Variants in MBNL3 observed in about 807,000 individuals in gnomAD.
The protein encoded by MBNL3 is muscleblind-like protein 3.
In MBNL3, 6 loss-of-function variants were observed where a neutral mutation model predicts 24.5. The ratio of observed to expected loss-of-function variants is 0.25; its 90% CI spans 0.13 to 0.48. The LOEUF (loss-of-function observed/expected upper bound fraction) is 0.48. Ranked by LOEUF, MBNL3 falls within the 20% of genes least tolerant of loss-of-function variation. The pLI, the probability that MBNL3 is intolerant of heterozygous loss-of-function variation, is 0.99. For missense variants in MBNL3, 230 were observed against 293.5 expected, an observed-to-expected ratio of 0.78 and a Z score of 1.58; for synonymous variants, 100 against 101.7, an observed-to-expected ratio of 0.98 and a Z score of 0.10.
intron 1 of MBNL3, among the ~76,000 whole-genome samples, chrX:132,448,223 G>T (rs1456607673): frequency 9.0e-6 from 1 of 111,725 alleles, no homozygotes; most frequent in Non-Finnish European, 1.9e-5. Flanking sequence ...AATGGGACCA[G>T]CTCCTCTTTG....
At chrX:132,484,233 G>A (rs766330397) in intron 1 of MBNL3, among the ~76,000 whole-genome samples, 1 of 111,739 alleles carries the variant, frequency 8.9e-6, no homozygotes, top group South Asian at 3.8e-4. Context: ...TCAATCTAGC[G>A]TTCAGTCTGC....
At chrX:132,436,472 T>C (rs2148432412) in intron 2 of MBNL3, among the ~76,000 whole-genome samples, 1 of 112,053 alleles carries the variant, frequency 8.9e-6, no homozygotes, top group African/African-American at 3.2e-5. Flanking sequence ...CTAGTACTAA[T>C]AGAATTCTTA....
At chrX:132,444,789 GA>G (rs767373954) in intron 1 of MBNL3, among the ~76,000 whole-genome samples, 5 of 110,411 alleles carry the variant, frequency 4.5e-5, no homozygotes, top group Admixed American at 2.9e-4. Flanking sequence ...TGCAACCTTT[GA>G]AAAAAAAGAA....
At chrX:132,433,430 T>G (rs1216056736) in intron 2 of MBNL3, among the ~76,000 whole-genome samples, 1 of 111,712 alleles carries the variant, frequency 9.0e-6, no homozygotes, top group Non-Finnish European at 1.9e-5. Flanking sequence ...AAACCTGCTA[T>G]ATTAACTCTT....
chrX:132,406,375 C>T lies in MBNL3; in HGVS notation c.195G>A (p.Glu65=), dbSNP rs1161867078. The T allele has an allele frequency of 2.5e-6, 3 of 1,197,887 alleles. No individual in the cohort carries two copies. Among genetic ancestry groups the T allele is most frequent in the Non-Finnish European group, 3.4e-6 (3 of 887,965 alleles). ...FDSLKGRCTR[E]NCKYLHPPPH... is the part of the protein sequence containing the mutation. Reference sequence around the variant, plus strand: ...GAGGAGGGTGAAGGTACTTGCAGTTCTCTCGGGTACACCGACCCTGACAAT... The same window carrying T: ...GAGGAGGGTGAAGGTACTTGCAGTTTTCTCGGGTACACCGACCCTGACAAT... The change falls in exon 3 of 9, where the codon GAG becomes GAA. Residue 65 remains glutamate, a synonymous_variant. Coordinates refer to ENST00000370853, the MANE Select transcript of MBNL3 (RefSeq NM_001386889.1).
chrX:132,468,586 AT>A (rs1381963181), intron 1 of MBNL3, among the ~76,000 whole-genome samples: 1 of 112,646 alleles, frequency 8.9e-6, no homozygotes, highest in Non-Finnish European at 1.9e-5. Context: ...GCACACTCGT[AT>A]ATATTAATTC....
chrX:132,474,136 G>C (rs1182430585), intron 1 of MBNL3, among the ~76,000 whole-genome samples: 1 of 111,367 alleles, frequency 9.0e-6, no homozygotes, highest in Non-Finnish European at 1.9e-5. Flanking sequence ...TTTACAAGTT[G>C]AAATATAAAA....
At chrX:132,404,097 G>A (rs756137142) in intron 3 of MBNL3, among the ~76,000 whole-genome samples, 1 of 109,877 alleles carries the variant, frequency 9.1e-6, no homozygotes, top group African/African-American at 3.3e-5. Flanking sequence ...AGATCATATA[G>A]TATTTGTTTT....
chrX:132,396,981 A>T (rs1368512296), intron 3 of MBNL3, among the ~76,000 whole-genome samples: 2 of 87,901 alleles, frequency 2.3e-5, no homozygotes, highest in East Asian at 6.7e-4. Context: ...AATATATATG[A>T]ATATATATGT....
intron 2 of MBNL3, among the ~76,000 whole-genome samples, chrX:132,409,642 A>G (rs1398892615): frequency 9.0e-6 from 1 of 110,867 alleles, no homozygotes; most frequent in African/African-American, 3.3e-5. Flanking sequence ...AAAGTATCAG[A>G]GCATGCCTTA....
At chrX:132,427,550 C>T (rs1422128204) in intron 2 of MBNL3, among the ~76,000 whole-genome samples, 2 of 111,608 alleles carry the variant, frequency 1.8e-5, no homozygotes, top group Admixed American at 9.5e-5. Context: ...ATTGTTACTT[C>T]GGTTTTACTA....
At chrX:132,470,384 C>CAA (rs199651467) in intron 1 of MBNL3, among the ~76,000 whole-genome samples, 1 of 102,798 alleles carries the variant, frequency 9.7e-6, no homozygotes, top group South Asian at 4.2e-4. Flanking sequence ...AATGCAAAAA[C>CAA]AAAAAAAAAC....
chrX:132,433,942 C>T (rs752315083), intron 2 of MBNL3, among the ~76,000 whole-genome samples: 1 of 112,649 alleles, frequency 8.9e-6, no homozygotes, highest in Non-Finnish European at 1.9e-5. Context: ...GCATGCCTCT[C>T]CTCAAAGGTC....
At chrX:132,428,229 T>A (rs752771866) in intron 2 of MBNL3, among the ~76,000 whole-genome samples, 3 of 111,235 alleles carry the variant, frequency 2.7e-5, no homozygotes, top group Non-Finnish European at 5.7e-5. Context: ...TTTTACATAA[T>A]CTCATCATAA....
Position 132,384,605 on chromosome X carries a change from A to ACAGAAAAAC in MBNL3, c.958+49_958+57dup. ...CAGTCATTCATCTTTCATAGTCACA[A>ACAGAAAAAC]CAGAAAAACACATTTTTTCAGATTA... On this transcript the variant is annotated intron_variant, in intron 7 of 8. Transcript: ENST00000370853. The ACAGAAAAAC allele has an allele frequency of 3.8e-6, 4 of 1,057,144 alleles. No homozygotes were observed. The South Asian group carries it at 8.2e-5, about 22-fold the overall frequency. The allele number at this position is 1,057,144 out of a possible 1,213,427, so 87.1% of individuals were successfully genotyped here.
intron 2 of MBNL3, among the ~76,000 whole-genome samples, chrX:132,421,951 G>A (rs894022949): frequency 5.7e-4 from 64 of 111,428 alleles, no homozygotes; most frequent in African/African-American, 1.8e-3. Context: ...AAATTGTAGC[G>A]AAGTGATTTT....
At chrX:132,417,789 TAA>T (rs960395900) in intron 2 of MBNL3, among the ~76,000 whole-genome samples, 3 of 111,267 alleles carry the variant, frequency 2.7e-5, no homozygotes, top group Non-Finnish European at 5.7e-5. Context: ...GAAAAAAAAA[TAA>T]GTCAGTTTAT....
At position 132,386,827 on chromosome X, in the gene MBNL3, T is replaced by C; in HGVS notation, c.772-16A>G. On this transcript the variant is annotated splice_polypyrimidine_tract_variant and intron_variant, in intron 5 of 8. Transcript: ENST00000370853. ...GCTGCAGGGCCTGTGGGGGGAGAGA[T>C]GGTACTAGTACTAGAGAAAGTAACA... is the stretch of plus-strand genomic sequence containing the variant. 8.3e-7 allele frequency: 1 copy of C among 1,207,173 alleles called. No individual in the cohort carries two copies. The highest frequency in any genetic ancestry group is 1.1e-6 in the Non-Finnish European group (1 of 892,350).
At chrX:132,387,645 A>T (rs770299379) in intron 5 of MBNL3, among the ~76,000 whole-genome samples, 7 of 112,122 alleles carry the variant, frequency 6.2e-5, no homozygotes, top group Admixed American at 2.8e-4. Flanking sequence ...TTCAGGTTCA[A>T]GTCCTATAAT....
Sources: gnomAD v4.1 joint callset for allele counts (sites outside exome capture counted in the v4.1 genomes callset) on GRCh38, gnomAD v4.1.1 for gene constraint, MANE v1.5 for transcripts, NCBI Gene and HGNC (gene_info 2026-07-23, HGNC 2026-07-21) for gene names.